Variants in PAPPA2 observed in about 807,000 individuals in gnomAD.
PAPPA2 encodes the protein pappalysin 2.
Under a neutral mutation model 176.4 loss-of-function variants are expected in PAPPA2, and 86 were observed. The observed-to-expected ratio is 0.49, with a 90% CI of 0.41 to 0.58. The LOEUF is 0.58. Among genes scored for constraint, PAPPA2 ranks in the 20% least tolerant of loss-of-function variants. The pLI, the probability that PAPPA2 is intolerant of heterozygous loss-of-function variation, is 0.00. For synonymous variants in PAPPA2, 809 were observed against 852.2 expected, an observed-to-expected ratio of 0.95 and a Z score of 0.88; for missense variants, 2,073 against 2,256.9, an observed-to-expected ratio of 0.92 and a Z score of 1.65.
At position 176,711,712 on chromosome 1, in the gene PAPPA2, A is replaced by G. The variant is rs530029613; in HGVS notation, c.3652-123A>G. 1.5e-5 allele frequency: 17 copies of G among 1,119,940 alleles called. No individual in the cohort carries two copies. The South Asian group carries it at 2.2e-4, about 14-fold the overall frequency. 69.4% of individuals were successfully genotyped at this position (1,119,940 alleles called of 1,614,324 possible). On this transcript the variant is annotated intron_variant, in intron 11 of 22. Coordinates refer to ENST00000367662, the MANE Select transcript of PAPPA2 (RefSeq NM_020318.3). ...CAATGTTGAGAAAAGTTTTCTGCCA[A>G]TAATGTGATCATTAGGCATTCAGAA...
intron 12 of PAPPA2, among the ~76,000 whole-genome samples, chr1:176,714,269 A>G (rs1201230596): frequency 2.0e-5 from 3 of 152,218 alleles, no homozygotes; most frequent in Non-Finnish European, 4.4e-5. Context: ...AGGGTCAGAC[A>G]CACCTCACTA....
At chr1:176,786,520 T>C in intron 17 of PAPPA2, among the ~76,000 whole-genome samples, 1 of 152,362 alleles carries the variant, frequency 6.6e-6, no homozygotes, top group African/African-American at 2.4e-5. Context: ...TTTTTCTATA[T>C]GTAATTCATT....
intron 3 of PAPPA2, among the ~76,000 whole-genome samples, chr1:176,632,956 G>T (rs896899473): frequency 6.6e-6 from 1 of 152,160 alleles, no homozygotes; most frequent in Non-Finnish European, 1.5e-5. Flanking sequence ...AGGAAGAAGA[G>T]GAGGGGAAGG....
At chr1:176,710,268 TA>T in intron 11 of PAPPA2, 92 bp downstream of exon 11, 1 of 1,177,260 alleles carries the variant, frequency 8.5e-7, no homozygotes, top group Non-Finnish European at 1.2e-6. Flanking sequence ...TTTGGATAAT[TA>T]AAAGAAGAAG....
chr1:176,676,184 C>T (rs1659282356), intron 4 of PAPPA2, among the ~76,000 whole-genome samples: 1 of 151,916 alleles, frequency 6.6e-6, no homozygotes, highest in African/African-American at 2.4e-5. Flanking sequence ...TTCAATAAAA[C>T]TAAACATACA....
chr1:176,641,444 G>T (rs1657084105), intron 3 of PAPPA2, among the ~76,000 whole-genome samples: 1 of 151,062 alleles, frequency 6.6e-6, no homozygotes, highest in Non-Finnish European at 1.5e-5. Flanking sequence ...TATTAAATAG[G>T]GAATCCTTTC....
At chr1:176,518,938 A>G (rs1649067371) in intron 1 of PAPPA2, among the ~76,000 whole-genome samples, 1 of 152,214 alleles carries the variant, frequency 6.6e-6, no homozygotes, top group Non-Finnish European at 1.5e-5. Flanking sequence ...AATGAGGTAA[A>G]TGTTCACATA....
rs189210640 is a variant in PAPPA2, at chr1:176,587,793, A to C, written c.920-6731A>C. ...AGGGTCTTCTTTGATTCCATATGAA[A>C]TTTAAAATAGTTGATGAGAGCAGCA... On this transcript the variant is annotated intron_variant, in intron 2 of 22. Coordinates refer to ENST00000367662, the MANE Select transcript of PAPPA2 (RefSeq NM_020318.3). Among the ~76,000 whole-genome samples, 3 of 152,300 alleles carry C rather than the reference A, an allele frequency of 2.0e-5. 1 individual carries two copies. In the South Asian group the frequency reaches 6.2e-4, roughly 32 times the overall value.
At chr1:176,624,295 A>G (rs996870035) in intron 3 of PAPPA2, among the ~76,000 whole-genome samples, 1 of 152,170 alleles carries the variant, frequency 6.6e-6, no homozygotes, top group African/African-American at 2.4e-5. Context: ...TGTTTCTAGC[A>G]CCTACCTGAG....
chr1:176,702,380 G>C (rs531959715), intron 8 of PAPPA2, among the ~76,000 whole-genome samples: 1 of 152,232 alleles, frequency 6.6e-6, no homozygotes, highest in Non-Finnish European at 1.5e-5. Context: ...CATTTACTGC[G>C]CATTTACTCT....
At chr1:176,790,095 C>A in intron 18 of PAPPA2, 118 bp downstream of exon 18, 1 of 1,183,902 alleles carries the variant, frequency 8.4e-7, no homozygotes, top group Non-Finnish European at 1.2e-6. Flanking sequence ...ACTTGGGATT[C>A]TAATCGGGAG....
intron 20 of PAPPA2, among the ~76,000 whole-genome samples, chr1:176,797,480 T>C (rs1342324707): frequency 6.6e-6 from 1 of 151,944 alleles, no homozygotes; most frequent in Admixed American, 6.6e-5. Flanking sequence ...CCTATCTCTA[T>C]AAAATAAAAA....
Position 176,840,265 on chromosome 1 carries a change from C to T in PAPPA2, c.5295C>T (p.Ser1765=), listed in dbSNP as rs574310172. The T allele has an allele frequency of 8.1e-6, 13 of 1,611,316 alleles. 1 individual carries two copies. In the Admixed American group the frequency reaches 1.7e-4, roughly 21 times the overall value. The change falls in exon 22 of 23, where the codon TCC becomes TCT. Residue 1765 remains serine, a synonymous_variant. Coordinates refer to ENST00000367662, the MANE Select transcript of PAPPA2 (RefSeq NM_020318.3). ...GGDCCSSTLS[S]KKVIPFAADC... ...ACTGCTGCTCTTCCACACTCTCCTC[C>T]AAGAAGGTGAGTGAGAGAACCTGGG... is the stretch of plus-strand genomic sequence containing the variant.
At chr1:176,576,303 C>A (rs1017805660) in intron 2 of PAPPA2, among the ~76,000 whole-genome samples, 2 of 152,094 alleles carry the variant, frequency 1.3e-5, no homozygotes, top group Non-Finnish European at 2.9e-5. Context: ...ACTTCATTTG[C>A]GTTTTCTTGA....
intron 1 of PAPPA2, among the ~76,000 whole-genome samples, chr1:176,538,985 C>G (rs1650226241): frequency 6.6e-6 from 1 of 152,204 alleles, no homozygotes; most frequent in Non-Finnish European, 1.5e-5. Context: ...TCTCTGAGCC[C>G]TTTTCCTTTC....
intron 21 of PAPPA2, among the ~76,000 whole-genome samples, chr1:176,806,401 C>T (rs1665910483): frequency 1.3e-5 from 2 of 152,152 alleles, no homozygotes; most frequent in South Asian, 4.1e-4. Context: ...GCAGACAGAA[C>T]TTTGACTTTG....
chr1:176,806,306 T>C (rs1665907462), intron 21 of PAPPA2, among the ~76,000 whole-genome samples: 1 of 152,226 alleles, frequency 6.6e-6, no homozygotes, highest in Admixed American at 6.5e-5. Flanking sequence ...AAGTGTGTTT[T>C]GTTCACTTTT....
intron 3 of PAPPA2, among the ~76,000 whole-genome samples, chr1:176,641,866 G>T (rs766868656): frequency 3.3e-5 from 5 of 151,834 alleles, no homozygotes; most frequent in Non-Finnish European, 5.9e-5. Flanking sequence ...ATTGAGCCAA[G>T]TGTTTGCACA....
intron 2 of PAPPA2, among the ~76,000 whole-genome samples, chr1:176,573,986 G>T (rs1053085297): frequency 6.6e-6 from 1 of 151,972 alleles, no homozygotes; most frequent in Non-Finnish European, 1.5e-5. Context: ...ATTAGGGGAA[G>T]TGGAATTTTT....
Sources: gnomAD v4.1 joint callset for allele counts (sites outside exome capture counted in the v4.1 genomes callset) on GRCh38, gnomAD v4.1.1 for gene constraint, MANE v1.5 for transcripts, NCBI Gene and HGNC (gene_info 2026-07-23, HGNC 2026-07-21) for gene names.